CCDC125: variants seen among roughly 807,000 people sequenced by gnomAD.
CCDC125 encodes the protein coiled-coil domain-containing protein 125.
A neutral mutation model predicts 57.4 loss-of-function variants in CCDC125; 43 were observed. The observed-to-expected ratio is 0.75, with a 90% CI of 0.59 to 0.97. CCDC125 has a LOEUF of 0.97. Among genes scored for constraint, CCDC125 ranks in the 50% least tolerant of loss-of-function variants. The pLI, the probability that CCDC125 is intolerant of heterozygous loss-of-function variation, is 0.00. For synonymous variants in CCDC125, 187 were observed against 195.2 expected, an observed-to-expected ratio of 0.96 and a Z score of 0.35; for missense variants, 563 against 595.7, an observed-to-expected ratio of 0.95 and a Z score of 0.57.
chr5:69,307,152 C>T (rs1176917187), intron 5 of CCDC125, among the ~76,000 whole-genome samples: 2 of 152,068 alleles, frequency 1.3e-5, no homozygotes, highest in Admixed American at 1.3e-4. Flanking sequence ...TCAAAATTTG[C>T]TGGGCTGCTA....
intron 10 of CCDC125, 84 bp downstream of exon 10, chr5:69,292,104 G>A: frequency 1.6e-6 from 2 of 1,231,456 alleles, no homozygotes. Context: ...TGCCCACATT[G>A]GATTAAGTGT....
intron 3 of CCDC125, among the ~76,000 whole-genome samples, chr5:69,311,564 A>T (rs1263460317): frequency 6.6e-6 from 1 of 152,124 alleles, no homozygotes; most frequent in African/African-American, 2.4e-5. Context: ...AGACAGGAGA[A>T]TCGCTTGAAC....
rs967910583 is a variant in CCDC125 at position 69,327,189 on chromosome 5, G to A, written c.-41+5460C>T. 6.6e-5 allele frequency among the ~76,000 whole-genome samples: 10 copies of A among 151,612 alleles called. No individual in the cohort carries two copies. In the South Asian group the frequency reaches 8.3e-4, roughly 13 times the overall value. On this transcript the variant is annotated intron_variant, in intron 1 of 11. Coordinates refer to ENST00000396496, the MANE Select transcript of CCDC125 (RefSeq NM_176816.5). ...GGCTCACTGCAAGCTCCGCCTCCCG[G>A]GTTCATGCCAGTCTCCTGCCTCAGC...
chr5:69,320,658 T>C (rs969374971), intron 1 of CCDC125, 78 bp from the exon 2 acceptor site: 4 of 660,668 alleles, frequency 6.1e-6, no homozygotes, highest in Non-Finnish European at 1.1e-5. Context: ...ACCCAAAACA[T>C]TTGAAATCAG....
chr5:69,331,869 G>T (rs1761466028), intron 1 of CCDC125, among the ~76,000 whole-genome samples: 1 of 152,162 alleles, frequency 6.6e-6, no homozygotes, highest in African/African-American at 2.4e-5. Flanking sequence ...TCCCAGTTCT[G>T]GGAGGTTTTA....
At position 69,320,499 on chromosome 5, in the gene CCDC125, C is replaced by G. The variant is rs771180777; in HGVS notation, c.42G>C (p.Gln14His). 6.2e-7 allele frequency: 1 copy of G among 1,613,562 alleles called. No individual in the cohort carries two copies. Among genetic ancestry groups the G allele is most frequent in the Non-Finnish European group, 8.5e-7 (1 of 1,179,768 alleles). Residue 14 changes from glutamine (Q) to histidine (H), a missense_variant, in exon 2 of 12, where the codon CAG becomes CAC. By Grantham distance (24) the Gln-to-His change is conservative. Coordinates refer to ENST00000396496, the MANE Select transcript of CCDC125 (RefSeq NM_176816.5). ...VARSSSESDVQLWETEEDDMT... is the reference protein window; with the variant it reads ...VARSSSESDVHLWETEEDDMT... ...TGTCATCCTCTTCTGTTTCCCAGAG[C>G]TGCACGTCTGACTCACTTGATGATC...
chr5:69,284,186 T>C (rs1239770743), intron 11 of CCDC125, among the ~76,000 whole-genome samples: 1 of 151,978 alleles, frequency 6.6e-6, no homozygotes, highest in African/African-American at 2.4e-5. Flanking sequence ...AAAATATAGA[T>C]CTATATGAAG....
chr5:69,284,410 A>G (rs1193977926), intron 11 of CCDC125, among the ~76,000 whole-genome samples: 1 of 152,146 alleles, frequency 6.6e-6, no homozygotes, highest in Admixed American at 6.6e-5. Context: ...ACTGTAAAGG[A>G]TATAATGTGT....
chr5:69,319,861 C>G (rs934168532), intron 2 of CCDC125, among the ~76,000 whole-genome samples: 1 of 151,704 alleles, frequency 6.6e-6, no homozygotes, highest in East Asian at 2.0e-4. Flanking sequence ...TGGCTCATGC[C>G]GGTAATCCCA....
chr5:69,314,458 G>A (rs1282590327), intron 2 of CCDC125, among the ~76,000 whole-genome samples: 2 of 111,826 alleles, frequency 1.8e-5, no homozygotes, highest in Non-Finnish European at 4.0e-5. Context: ...GAGTAACTCT[G>A]TTTCAAAAAA....
At chr5:69,278,214 A>T (rs1384389397), downstream of CCDC125, among the ~76,000 whole-genome samples, 4 of 148,106 alleles carry the variant, frequency 2.7e-5, no homozygotes, top group Non-Finnish European at 6.0e-5. Flanking sequence ...ACTTTATTTT[A>T]TTTTTTTTTG....
At chr5:69,290,639 T>C (rs1378946357) in intron 10 of CCDC125, among the ~76,000 whole-genome samples, 1 of 146,510 alleles carries the variant, frequency 6.8e-6, no homozygotes, top group Non-Finnish European at 1.5e-5. Flanking sequence ...CTTTTTTTTT[T>C]TTTTTTGTTT....
chr5:69,300,400 A>AT (rs1235314515), intron 7 of CCDC125, among the ~76,000 whole-genome samples: 1 of 152,138 alleles, frequency 6.6e-6, no homozygotes, highest in Non-Finnish European at 1.5e-5. Flanking sequence ...AATTTGTAGG[A>AT]TTTTTCCAAA....
At chr5:69,283,090 T>A in intron 11 of CCDC125, 56 bp from the exon 12 acceptor site, 1 of 1,348,290 alleles carries the variant, frequency 7.4e-7, no homozygotes. Flanking sequence ...CAGAATATAT[T>A]CAGAGAAAGG....
chr5:69,321,859 G>A (rs775550543), intron 1 of CCDC125, among the ~76,000 whole-genome samples: 13 of 151,732 alleles, frequency 8.6e-5, no homozygotes, highest in African/African-American at 1.2e-4. Context: ...TCTTTTAGAC[G>A]GAGCTTCGCT....
chr5:69,329,838 G>A lies in CCDC125; in HGVS notation c.-41+2811C>T, dbSNP rs761524192. 3.9e-5 allele frequency among the ~76,000 whole-genome samples: 6 copies of A among 152,034 alleles called. 1 individual carries two copies. Among genetic ancestry groups the A allele is most frequent in the Non-Finnish European group, 7.4e-5 (5 of 68,008 alleles). On this transcript the variant is annotated intron_variant, in intron 1 of 11. Coordinates refer to ENST00000396496, the MANE Select transcript of CCDC125 (RefSeq NM_176816.5). ...TTTTTCTATTCCAGCCCAGGCATAC[G>A]TGACTTGCCCCAAATACAATGGTAA...
At chr5:69,275,457 A>G (rs1752020421), downstream of CCDC125, among the ~76,000 whole-genome samples, 1 of 152,196 alleles carries the variant, frequency 6.6e-6, no homozygotes, top group African/African-American at 2.4e-5. Context: ...AGAGTTCAAT[A>G]TGTAGAGAAT....
intron 8 of CCDC125, among the ~76,000 whole-genome samples, chr5:69,297,516 C>T (rs1192352652): frequency 2.0e-5 from 3 of 151,642 alleles, no homozygotes; most frequent in African/African-American, 7.3e-5. Flanking sequence ...TACACCACCA[C>T]GCCCAGCTAA....
intron 8 of CCDC125, among the ~76,000 whole-genome samples, chr5:69,297,715 G>A (rs1010609458): frequency 1.3e-5 from 2 of 151,046 alleles, no homozygotes; most frequent in Non-Finnish European, 2.9e-5. Flanking sequence ...TGTAATCCCA[G>A]CATTTTGGGA....
Sources: allele counts gnomAD v4.1 joint callset (sites outside exome capture counted in the v4.1 genomes callset), GRCh38; gene constraint gnomAD v4.1.1; transcripts MANE v1.5; gene names NCBI Gene and HGNC (gene_info 2026-07-23, HGNC 2026-07-21).